Variants in EPN2 observed in about 807,000 individuals in gnomAD.
EPN2 encodes epsin 2, also known as epsin-2.
A neutral mutation model predicts 61.7 loss-of-function variants in EPN2; 34 were observed. That is an observed-to-expected ratio of 0.55 (90% CI 0.42 to 0.73). The LOEUF is 0.73. EPN2 is among the 30% of genes least tolerant of loss of function. EPN2 has a pLI of 0.00. For missense variants in EPN2, 714 were observed against 839.2 expected (o/e 0.85, Z 1.84); for synonymous variants, 349 against 353.6 (o/e 0.99, Z 0.15).
At chr17:19,330,112 T>C (rs1907087643) in intron 9 of EPN2, among the ~76,000 whole-genome samples, 1 of 152,236 alleles carries the variant, frequency 6.6e-6, no homozygotes. Context: ...TTTCCTTCCC[T>C]GTGTGCCTCT....
chr17:19,281,022 G>A (rs1487086349), intron 1 of EPN2, among the ~76,000 whole-genome samples: 2 of 152,188 alleles, frequency 1.3e-5, no homozygotes, highest in Non-Finnish European at 2.9e-5. Context: ...TACAGATGAA[G>A]AGATGCATAG....
intron 1 of EPN2, among the ~76,000 whole-genome samples, chr17:19,253,619 G>A (rs972842708): frequency 9.9e-5 from 15 of 152,002 alleles, no homozygotes; most frequent in African/African-American, 3.6e-4. Flanking sequence ...GGCTGGTCTC[G>A]AACTTCTAGG....
chr17:19,320,098 CCCTTAAATG>C (rs1203425532), intron 7 of EPN2, among the ~76,000 whole-genome samples: 1 of 152,254 alleles, frequency 6.6e-6, no homozygotes, highest in Admixed American at 6.5e-5. Context: ...ATCCTGGATT[CCCTTAAATG>C]CCTAATCTTT....
intron 4 of EPN2, among the ~76,000 whole-genome samples, chr17:19,290,169 G>A (rs1352504001): frequency 6.6e-6 from 1 of 152,214 alleles, no homozygotes; most frequent in African/African-American, 2.4e-5. Context: ...TGTGTGGGCA[G>A]AAGCTGCGCA....
At chr17:19,327,705 C>G (rs1250061932) in intron 7 of EPN2, among the ~76,000 whole-genome samples, 1 of 152,076 alleles carries the variant, frequency 6.6e-6, no homozygotes, top group African/African-American at 2.4e-5. Context: ...TATTTAGACA[C>G]ACATACATAT....
At chr17:19,257,414 G>T (rs1265275876) in intron 1 of EPN2, among the ~76,000 whole-genome samples, 1 of 152,138 alleles carries the variant, frequency 6.6e-6, no homozygotes, top group African/African-American at 2.4e-5. Context: ...TGCCTAAGTA[G>T]GATGGACCAA....
intron 1 of EPN2, among the ~76,000 whole-genome samples, chr17:19,250,270 T>C (rs974024460): frequency 3.3e-5 from 5 of 151,864 alleles, no homozygotes; most frequent in African/African-American, 1.2e-4. Context: ...AATTTTTGTA[T>C]TTTTTAATAG....
At chr17:19,327,327 C>A (rs1280012989) in intron 7 of EPN2, among the ~76,000 whole-genome samples, 1 of 152,040 alleles carries the variant, frequency 6.6e-6, no homozygotes, top group African/African-American at 2.4e-5. Flanking sequence ...GTGGAGTGAA[C>A]AAAGCCAGCC....
intron 7 of EPN2, among the ~76,000 whole-genome samples, chr17:19,320,614 A>G (rs1168216217): frequency 6.6e-6 from 1 of 152,206 alleles, no homozygotes; most frequent in Non-Finnish European, 1.5e-5. Flanking sequence ...GTATTTTACT[A>G]AAATCCCTAA....
chr17:19,318,419 G>A (rs1228525595), intron 7 of EPN2, among the ~76,000 whole-genome samples: 1 of 151,538 alleles, frequency 6.6e-6, no homozygotes, highest in African/African-American at 2.4e-5. Context: ...CGTAGTGGTG[G>A]GCACTTGTAA....
Position 19,335,554 on chromosome 17 carries a change from C to G in EPN2, c.*1300C>G. 7.5e-7 allele frequency: 1 copy of G among 1,341,352 alleles called. No homozygotes were observed. The highest frequency in any genetic ancestry group is 1.4e-5 in the South Asian group (1 of 70,608). 83.1% of individuals were successfully genotyped at this position (1,341,352 alleles called of 1,614,324 possible). A position where few individuals can be genotyped will look rare whatever the true frequency, so the allele number is the denominator to read the frequency against. On this transcript the variant is annotated 3_prime_UTR_variant, in exon 11 of 11. Transcript: ENST00000314728. ...GTGGAAATGGCAGTTGTCCCGAGGG[C>G]GTGGGGTGGGGGGTGCTTCTGTGCC...
chr17:19,244,581 C>T (rs1232694375), intron 1 of EPN2, among the ~76,000 whole-genome samples: 1 of 152,188 alleles, frequency 6.6e-6, no homozygotes, highest in East Asian at 1.9e-4. Flanking sequence ...TGCTTCTCCT[C>T]CCTGCAGCAA....
intron 10 of EPN2, among the ~76,000 whole-genome samples, chr17:19,333,422 A>G (rs534145864): frequency 1.3e-5 from 2 of 152,302 alleles, no homozygotes; most frequent in South Asian, 2.1e-4. Flanking sequence ...CAGCGCACAC[A>G]CTTTTGCAAA....
In EPN2 at chr17:19,283,146, G is replaced by A. The variant is rs756128820; in HGVS notation, c.27G>A (p.Gln9=). 3.7e-6 allele frequency: 6 copies of A among 1,611,746 alleles called. No homozygotes were observed. Among genetic ancestry groups the A allele is most frequent in the Admixed American group, 3.4e-5 (2 of 59,494 alleles). Residue 9 remains glutamine, a synonymous_variant, in exon 3 of 11, where the codon CAG becomes CAA. Coordinates refer to ENST00000314728, the MANE Select transcript of EPN2 (RefSeq NM_014964.5). This position sits in a 1 kb window ranked among gnomAD's most constrained non-coding sequence, Gnocchi z 7.0. MTTSSIRR[Q]MKNIVNNYSE... is the part of the protein sequence containing the mutation. Reference sequence around the variant, plus strand: ...TGACGACTTCGTCTATCAGACGGCAGATGAAAAACATCGTGAACAATTACT... The same window carrying A: ...TGACGACTTCGTCTATCAGACGGCAAATGAAAAACATCGTGAACAATTACT...
At chr17:19,247,109 A>AT (rs1567841136) in intron 1 of EPN2, among the ~76,000 whole-genome samples, 2 of 152,220 alleles carry the variant, frequency 1.3e-5, no homozygotes, top group East Asian at 1.9e-4. Flanking sequence ...GTCCTGGGAT[A>AT]TAATGACTAT....
intron 9 of EPN2, 106 bp from the exon 10 acceptor site, chr17:19,331,747 C>T (rs971114273): frequency 3.3e-5 from 30 of 912,200 alleles, no homozygotes; most frequent in Middle Eastern, 2.2e-4. Flanking sequence ...CGTCACGTGG[C>T]GCTGTCAGGC....
chr17:19,331,776 C>A, intron 9 of EPN2, 77 bp from the exon 10 acceptor site: 1 of 1,265,404 alleles, frequency 7.9e-7, no homozygotes, highest in Non-Finnish European at 1.2e-6. Context: ...CCCCAGGAGG[C>A]CATGTTTTGT....
chr17:19,276,773 G>GTTTTT (rs80078595), intron 1 of EPN2, among the ~76,000 whole-genome samples: 5,179 of 119,066 alleles, frequency 0.043, 144 homozygotes, highest in East Asian at 0.094. Context: ...ATGAGAATAA[G>GTTTTT]TTTTTTTTTT....
At chr17:19,301,985 T>C (rs1226096168) in intron 4 of EPN2, among the ~76,000 whole-genome samples, 2 of 152,248 alleles carry the variant, frequency 1.3e-5, no homozygotes, top group Admixed American at 6.5e-5. Flanking sequence ...GAGTCTTGGC[T>C]CTGAGTTCTC....
Sources: allele counts gnomAD v4.1 joint callset (sites outside exome capture counted in the v4.1 genomes callset), GRCh38; gene constraint gnomAD v4.1.1; non-coding constraint Gnocchi (gnomAD v3.1); transcripts MANE v1.5; gene names NCBI Gene and HGNC (gene_info 2026-07-23, HGNC 2026-07-21).